SH3YL1: variants seen among roughly 807,000 people sequenced by gnomAD.
SH3YL1 encodes the protein SH3 and SYLF domain containing 1.
In SH3YL1, 41 loss-of-function variants were observed where a neutral mutation model predicts 45.8. That is an observed-to-expected ratio of 0.89 (90% confidence interval 0.70 to 1.16). SH3YL1 has a LOEUF of 1.16. Ranked by LOEUF, SH3YL1 falls within the 50% of genes most tolerant of loss-of-function variation. SH3YL1 has a pLI of 0.00. For missense variants in SH3YL1, 389 were observed against 409.6 expected (o/e 0.95, Z 0.43); for synonymous variants, 152 against 151.4 (o/e 1.00, Z -0.03).
chr2:241,893 A>G (rs1668563987), intron 4 of SH3YL1: 1 of 152,142 alleles, frequency 6.6e-6, no homozygotes, highest in South Asian at 2.1e-4. Flanking sequence ...TTTACAAGAA[A>G]TATTATAAAT....
At chr2:229,914 T>C (rs1440091779) in intron 8 of SH3YL1, 52 bp downstream of exon 8, 1 of 1,370,970 alleles carries the variant, frequency 7.3e-7, no homozygotes, top group Non-Finnish European at 1.0e-6. Flanking sequence ...AATGATAACA[T>C]TTAATAATTA....
At chr2:224,020 A>G (rs969718626) in intron 9 of SH3YL1, among the ~76,000 whole-genome samples, 13 of 152,230 alleles carry the variant, frequency 8.5e-5, no homozygotes, top group Non-Finnish European at 1.8e-4. Flanking sequence ...ATAAATTTTT[A>G]AAATATGCTT....
intron 4 of SH3YL1, among the ~76,000 whole-genome samples, chr2:245,093 G>A (rs1310986775): frequency 6.6e-6 from 1 of 152,136 alleles, no homozygotes; most frequent in Non-Finnish European, 1.5e-5. Context: ...TAGGATGGAG[G>A]CTCAGACAGA....
At chr2:237,671 G>C (rs1000705728) in intron 4 of SH3YL1, among the ~76,000 whole-genome samples, 4 of 152,202 alleles carry the variant, frequency 2.6e-5, no homozygotes, top group African/African-American at 9.6e-5. Context: ...TTTCAAAATA[G>C]CTAGAAGAGA....
chr2:261,247 G>A (rs1480690724), intron 1 of SH3YL1: 1 of 152,182 alleles, frequency 6.6e-6, no homozygotes, highest in Non-Finnish European at 1.5e-5. Context: ...GGCATATAGA[G>A]CATGACCTGA....
At chr2:242,764 C>T in intron 4 of SH3YL1, 1 of 1,515,098 alleles carries the variant, frequency 6.6e-7, no homozygotes, top group Non-Finnish European at 8.8e-7. Context: ...CAATTATATG[C>T]TCCATAGGAG....
chr2:262,454 G>T lies in SH3YL1; in HGVS notation c.1+1530C>A, dbSNP rs979703085. ...ACAGGAAAGCCCTTTATTTATTCCT[G>T]CCCTTCCTCTTCTCCAACTGAAGAG... On this transcript the variant is annotated intron_variant, in intron 1 of 9. Coordinates refer to ENST00000356150, the MANE Select transcript of SH3YL1 (RefSeq NM_015677.4). The T allele has an allele frequency of 1.2e-4, 62 of 507,314 alleles. No individual in the cohort carries two copies. In the South Asian group the frequency reaches 1.3e-3, roughly 11 times the overall value. The allele number at this position is 507,314 out of a possible 1,614,324, so 31.4% of individuals were successfully genotyped here.
intron 2 of SH3YL1, among the ~76,000 whole-genome samples, chr2:250,133 A>C (rs2103048373): frequency 1.3e-5 from 2 of 152,342 alleles, no homozygotes; most frequent in Middle Eastern, 3.4e-3. Flanking sequence ...TTTTATTGCT[A>C]TCTATTAGCA....
intron 9 of SH3YL1, among the ~76,000 whole-genome samples, chr2:221,376 G>C (rs530211973): frequency 2.8e-4 from 43 of 152,232 alleles, no homozygotes; most frequent in Admixed American, 2.4e-3. Flanking sequence ...TTGGTTCTAA[G>C]CAGTTTCAGG....
intron 4 of SH3YL1, among the ~76,000 whole-genome samples, chr2:246,143 T>C (rs1470444999): frequency 2.0e-5 from 3 of 150,720 alleles, no homozygotes; most frequent in Non-Finnish European, 4.4e-5. Context: ...TGCAGTGAGC[T>C]GAGTCCATGC....
intron 2 of SH3YL1, among the ~76,000 whole-genome samples, chr2:250,966 T>A (rs574822222): frequency 6.6e-6 from 1 of 152,372 alleles, no homozygotes; most frequent in Non-Finnish European, 1.5e-5. Context: ...TTATATGTTG[T>A]GCAGATTTAT....
chr2:252,983 A>G, intron 2 of SH3YL1, 22 bp downstream of exon 2: 1 of 1,361,690 alleles, frequency 7.3e-7, no homozygotes, highest in Non-Finnish European at 1.0e-6. Context: ...AGAGACAAAC[A>G]GCACTCATCC....
At chr2:255,192 G>A (rs764369344) in intron 1 of SH3YL1, among the ~76,000 whole-genome samples, 12 of 152,126 alleles carry the variant, frequency 7.9e-5, no homozygotes, top group Non-Finnish European at 1.3e-4. Flanking sequence ...TTATTCTTTC[G>A]ACAGATCAAA....
intron 8 of SH3YL1, among the ~76,000 whole-genome samples, chr2:229,543 A>C (rs1394553033): frequency 6.6e-5 from 10 of 151,658 alleles, no homozygotes; most frequent in Admixed American, 4.6e-4. Context: ...TCCCGGCTAA[A>C]ACGGTGAAAC....
chr2:260,246 A>T (rs770378963), intron 1 of SH3YL1: 5 of 152,240 alleles, frequency 3.3e-5, no homozygotes, highest in Non-Finnish European at 7.3e-5. Context: ...ATTTATACAT[A>T]TATCTAGATG....
intron 4 of SH3YL1, among the ~76,000 whole-genome samples, chr2:244,351 C>G (rs1346207174): frequency 1.3e-5 from 2 of 152,022 alleles, no homozygotes; most frequent in African/African-American, 4.8e-5. Flanking sequence ...AAAAAATTAG[C>G]CGAGCATGGT....
intron 4 of SH3YL1, chr2:243,412 C>A (rs563296788): frequency 1.6e-6 from 2 of 1,271,330 alleles, no homozygotes; most frequent in South Asian, 1.7e-5. Flanking sequence ...CATTAAGCAA[C>A]ACACTCTTAA....
intron 4 of SH3YL1, among the ~76,000 whole-genome samples, chr2:238,412 A>AG (rs1434348357): frequency 2.9e-4 from 44 of 152,004 alleles, no homozygotes; most frequent in Non-Finnish European, 1.3e-4. Context: ...TCCCATTCTT[A>AG]GGGGGCTTAG....
intron 7 of SH3YL1, chr2:230,693 G>A (rs556384861): frequency 3.6e-5 from 11 of 301,756 alleles, no homozygotes; most frequent in South Asian, 3.6e-4. Flanking sequence ...TTTTATGGTA[G>A]AGAGGGGGTT....
Sources: allele counts gnomAD v4.1 joint callset (sites outside exome capture counted in the v4.1 genomes callset), GRCh38; gene constraint gnomAD v4.1.1; transcripts MANE v1.5; gene names NCBI Gene and HGNC (gene_info 2026-07-23, HGNC 2026-07-21).